The following SLIT3 variants were observed in gnomAD, a reference collection of about 807,000 sequenced individuals.
SLIT3 encodes the protein slit homolog 3 protein.
In SLIT3, 68 loss-of-function variants were observed where a neutral mutation model predicts 184.0. The observed-to-expected ratio is 0.37, with a 90% CI of 0.30 to 0.45. The LOEUF is 0.45. SLIT3 is among the 20% of genes least tolerant of loss of function. The pLI is 1.00. For synonymous variants in SLIT3, 831 were observed against 828.6 expected, an observed-to-expected ratio of 1.00 and a Z score of -0.05; for missense variants, 1,707 against 2,026.0, an observed-to-expected ratio of 0.84 and a Z score of 3.02.
chr5:168,694,007 C>G (rs1214666180), intron 28 of SLIT3, among the ~76,000 whole-genome samples: 1 of 152,176 alleles, frequency 6.6e-6, no homozygotes, highest in Non-Finnish European at 1.5e-5. Flanking sequence ...ACCTGAGTTT[C>G]CCGGGAATGA....
chr5:168,800,409 A>C (rs1397755480), intron 9 of SLIT3, among the ~76,000 whole-genome samples: 1 of 152,148 alleles, frequency 6.6e-6, no homozygotes, highest in Non-Finnish European at 1.5e-5. Context: ...AACACGGTGA[A>C]ACCCATCTCT....
intron 4 of SLIT3, among the ~76,000 whole-genome samples, chr5:168,888,936 T>TA (rs1760330187): frequency 1.3e-5 from 2 of 152,186 alleles, no homozygotes; most frequent in Admixed American, 6.5e-5. Flanking sequence ...TTTAGGGATT[T>TA]AAAAAATTTT....
chr5:169,275,534 C>G (rs1307015307), intron 1 of SLIT3, among the ~76,000 whole-genome samples: 1 of 152,114 alleles, frequency 6.6e-6, no homozygotes, highest in Non-Finnish European at 1.5e-5. Flanking sequence ...AAGACACACC[C>G]AAGACTGGGA....
At chr5:168,762,787 A>G (rs1581053533) in intron 14 of SLIT3, 98 bp from the exon 15 acceptor site, 1 of 1,217,070 alleles carries the variant, frequency 8.2e-7, no homozygotes, top group Non-Finnish European at 1.2e-6. Context: ...TGGGGGAATG[A>G]GTTGGGGGCT....
intron 10 of SLIT3, among the ~76,000 whole-genome samples, chr5:168,794,873 T>C (rs1213012196): frequency 2.6e-5 from 4 of 152,172 alleles, no homozygotes; most frequent in Non-Finnish European, 5.9e-5. Flanking sequence ...CTTCCTTCCT[T>C]TCTTTAGGCC....
intron 14 of SLIT3, among the ~76,000 whole-genome samples, chr5:168,771,947 A>G (rs183475483): frequency 3.2e-4 from 49 of 152,262 alleles, no homozygotes; most frequent in Admixed American, 8.5e-4. Context: ...ACTTCATGCT[A>G]TCAGTCTTTC....
intron 18 of SLIT3, among the ~76,000 whole-genome samples, chr5:168,751,063 G>C (rs115380175): frequency 0.017 from 2,642 of 152,016 alleles, 85 homozygotes; most frequent in African/African-American, 0.061. Flanking sequence ...GAGGGAGGCT[G>C]GGGGAGGGTG....
rs1398511355 is a variant in SLIT3 at position 168,669,886 on chromosome 5, G to A, written c.4233C>T (p.Ala1411=). The A allele has an allele frequency of 5.6e-6, 9 of 1,614,216 alleles. No homozygotes were observed. The highest frequency in any genetic ancestry group is 7.6e-6 in the Non-Finnish European group (9 of 1,180,008). Residue 1411 remains alanine, a synonymous_variant, in exon 35 of 36, where the codon GCC becomes GCT. Coordinates refer to ENST00000519560, the MANE Select transcript of SLIT3 (RefSeq NM_003062.4). ...LCDNKNDSAN[A]CSAFKCHHGQ... is the part of the protein sequence containing the mutation. ...CATGGTGACACTTGAAGGCTGAGCAGGCATTGGCAGAGTCATTCTTGTTGT... is the reference window on the plus strand; with the variant it reads ...CATGGTGACACTTGAAGGCTGAGCAAGCATTGGCAGAGTCATTCTTGTTGT...
At chr5:169,286,985 T>A (rs1464821777) in intron 1 of SLIT3, among the ~76,000 whole-genome samples, 1 of 152,198 alleles carries the variant, frequency 6.6e-6, no homozygotes, top group Non-Finnish European at 1.5e-5. Context: ...GACTTAGGTC[T>A]TTGCAAAATT....
rs544903255 is a variant in SLIT3, at chr5:169,135,503, A to G, written c.413+57976T>C. The stretch of plus-strand genomic sequence containing the variant: ...CTGTTAGCACAAATACTTTCAAAAC[A>G]TGAAATAGCACAGAAACTAGCAGGA... On this transcript the variant is annotated intron_variant, in intron 4 of 35. Transcript: ENST00000519560. Among the ~76,000 whole-genome samples the G allele has an allele frequency of 3.9e-5, 6 of 152,280 alleles. No homozygotes were observed. In the East Asian group the frequency reaches 1.2e-3, roughly 29 times the overall value.
chr5:169,297,433 C>A (rs1395193642), intron 1 of SLIT3, among the ~76,000 whole-genome samples: 1 of 152,120 alleles, frequency 6.6e-6, no homozygotes, highest in Non-Finnish European at 1.5e-5. Flanking sequence ...TGTCATAACA[C>A]AAGGTTTCAG....
intron 4 of SLIT3, among the ~76,000 whole-genome samples, chr5:168,916,098 A>T (rs1276868945): frequency 6.6e-6 from 1 of 152,228 alleles, no homozygotes; most frequent in Non-Finnish European, 1.5e-5. Context: ...AATGTCTGTA[A>T]TTTAAAATGG....
chr5:169,297,090 T>C (rs1402592058), intron 1 of SLIT3, among the ~76,000 whole-genome samples: 2 of 152,244 alleles, frequency 1.3e-5, no homozygotes, highest in African/African-American at 2.4e-5. Flanking sequence ...CTGTGCTCCA[T>C]GGTAAATGTT....
chr5:168,704,908 G>C (rs984991960), intron 26 of SLIT3, among the ~76,000 whole-genome samples: 4 of 152,136 alleles, frequency 2.6e-5, no homozygotes, highest in African/African-American at 7.2e-5. Context: ...CTCTAACCCC[G>C]GCAAGAAGGA....
chr5:169,227,329 G>A lies in SLIT3; in HGVS notation c.341+17376C>T, dbSNP rs78244973. Among the ~76,000 whole-genome samples the A allele has an allele frequency of 1.2e-3, 185 of 152,324 alleles. 2 individuals carry two copies. In the East Asian group the frequency reaches 0.032, roughly 26 times the overall value. On this transcript the variant is annotated intron_variant, in intron 3 of 35. Transcript: ENST00000519560. Reference sequence around the variant, plus strand: ...AATGCATATTATGGGGACTTACTTTGTGTCAGGCACTTTGCTAGACACCTT... The same window carrying A: ...AATGCATATTATGGGGACTTACTTTATGTCAGGCACTTTGCTAGACACCTT...
At chr5:169,018,585 G>A (rs1382224237) in intron 4 of SLIT3, 2 of 152,180 alleles carry the variant, frequency 1.3e-5, no homozygotes, top group African/African-American at 2.4e-5. Context: ...TTTCCATGCC[G>A]AGAAATCAGG....
intron 4 of SLIT3, among the ~76,000 whole-genome samples, chr5:169,105,194 TGC>T (rs1283087932): frequency 6.6e-6 from 1 of 152,200 alleles, no homozygotes; most frequent in African/African-American, 2.4e-5. Context: ...ATTTTTTCCA[TGC>T]GTCACAAATA....
chr5:168,954,807 A>G (rs2113257257), intron 4 of SLIT3, among the ~76,000 whole-genome samples: 1 of 152,350 alleles, frequency 6.6e-6, no homozygotes, highest in South Asian at 2.1e-4. Context: ...TAAAGAGGAC[A>G]GTTCTAGCTG....
chr5:169,153,971 CT>C (rs1177389865), intron 4 of SLIT3, among the ~76,000 whole-genome samples: 308 of 134,796 alleles, frequency 2.3e-3, no homozygotes, highest in Middle Eastern at 7.7e-3. Flanking sequence ...TGCTCCCAGC[CT>C]TTTTTTTTTT....
Sources: allele counts gnomAD v4.1 joint callset (sites outside exome capture counted in the v4.1 genomes callset), GRCh38; gene constraint gnomAD v4.1.1; transcripts MANE v1.5; gene names NCBI Gene and HGNC (gene_info 2026-07-23, HGNC 2026-07-21).